TXNDC11: variants seen among roughly 807,000 people sequenced by gnomAD.
TXNDC11 encodes the protein thioredoxin domain containing 11, also known as thioredoxin domain-containing protein 11.
In TXNDC11, 68 loss-of-function variants were observed where a neutral mutation model predicts 78.0. That is an observed-to-expected ratio of 0.87 (90% CI 0.72 to 1.07). The LOEUF is 1.07. Among genes scored for constraint, TXNDC11 ranks in the 50% least tolerant of loss-of-function variants. The pLI, the probability that TXNDC11 is intolerant of heterozygous loss-of-function variation, is 0.00. For missense variants in TXNDC11, 1,389 were observed against 1,221.8 expected (o/e 1.14, Z -2.04); for synonymous variants, 571 against 495.2 (o/e 1.15, Z -2.03).
At chr16:11,742,431 G>A in intron 1 of TXNDC11, 46 bp downstream of exon 1, 1 of 1,347,434 alleles carries the variant, frequency 7.4e-7, no homozygotes, top group East Asian at 3.1e-5. Context: ...AGGCGGCAGA[G>A]CAAGGGGAGC....
At chr16:11,722,306 C>G (rs1025153876) in intron 4 of TXNDC11, among the ~76,000 whole-genome samples, 4 of 152,156 alleles carry the variant, frequency 2.6e-5, no homozygotes, top group African/African-American at 4.8e-5. Flanking sequence ...CCTACACATT[C>G]ATTTCCACCT....
At chr16:11,681,153 C>G (rs915856593) in intron 11 of TXNDC11, among the ~76,000 whole-genome samples, 4 of 152,202 alleles carry the variant, frequency 2.6e-5, no homozygotes, top group Non-Finnish European at 4.4e-5. Flanking sequence ...GCCTGGGCAA[C>G]AGAGTCAGAC....
chr16:11,679,602 C>T lies in TXNDC11; in HGVS notation c.2470G>A (p.Val824Met), dbSNP rs747149831. ...ISSLQRAQVQ[V>M]ESQLSSARRD... Reference sequence around the variant, plus strand: ...CGGGCACTGGAGAGCTGGGACTCCACCTGCACTTGTGCTCGCTGGAGGCTG... The same window carrying T: ...CGGGCACTGGAGAGCTGGGACTCCATCTGCACTTGTGCTCGCTGGAGGCTG... Residue 824 changes from valine to methionine, a missense_variant, in exon 12 of 12, where the codon GTG (valine) becomes ATG (methionine). Coordinates refer to ENST00000283033, the MANE Select transcript of TXNDC11 (RefSeq NM_015914.7). The surrounding 1 kb of genome is among the most constrained non-coding windows in gnomAD (Gnocchi z 4.6). 3 of 1,614,172 alleles carry T rather than the reference C, an allele frequency of 1.9e-6. No homozygotes were observed. Among genetic ancestry groups the T allele is most frequent in the African/African-American group, 1.3e-5 (1 of 75,044 alleles).
intron 7 of TXNDC11, among the ~76,000 whole-genome samples, chr16:11,692,443 T>A (rs2050747018): frequency 6.6e-6 from 1 of 151,876 alleles, no homozygotes; most frequent in African/African-American, 2.4e-5. Context: ...CCCCAAAGTG[T>A]AAGGATAGTG....
intron 8 of TXNDC11, among the ~76,000 whole-genome samples, chr16:11,690,436 A>G (rs1053992868): frequency 3.3e-5 from 5 of 152,228 alleles, no homozygotes; most frequent in Non-Finnish European, 5.9e-5. Flanking sequence ...GGTCCCAGCA[A>G]TATTACTCAG....
intron 5 of TXNDC11, among the ~76,000 whole-genome samples, chr16:11,711,517 G>T (rs2051358971): frequency 6.6e-6 from 1 of 152,118 alleles, no homozygotes; most frequent in Admixed American, 6.5e-5. Flanking sequence ...CTCCTTCAAA[G>T]CCAGTGACAA....
Position 11,688,031 on chromosome 16 carries a change from C to T in TXNDC11, c.2044-65G>A, listed in dbSNP as rs914894806. 6 of 1,280,794 alleles carry T rather than the reference C, an allele frequency of 4.7e-6. No individual in the cohort carries two copies. In the African/African-American group the frequency reaches 8.8e-5, roughly 19 times the overall value. The allele number at this position is 1,280,794 out of a possible 1,614,324, so 79.3% of individuals were successfully genotyped here. The stretch of plus-strand genomic sequence containing the variant: ...ATGGGCTCTTCTTCATTTCTTTCCT[C>T]ATTGCTTAGAATCCAGCAAGCACCC... On this transcript the variant is annotated intron_variant, in intron 9 of 11. Coordinates refer to ENST00000283033, the MANE Select transcript of TXNDC11 (RefSeq NM_015914.7).
rs761287542 is a variant in TXNDC11, at chr16:11,691,534, A to G, written c.1656T>C (p.Ile552=). The part of the protein sequence containing the change: ...EVDAPSSVPH[I]EENRYLFPEV... ...CTGGAAAGAGATACCTGTTCTCCTCAATGTGAGGAACGGAGCTTGGGGCAT... is the reference window on the plus strand; with the variant it reads ...CTGGAAAGAGATACCTGTTCTCCTCGATGTGAGGAACGGAGCTTGGGGCAT... The change falls in exon 8 of 12, where the codon ATT becomes ATC. Residue 552 remains isoleucine (I), a synonymous_variant. Coordinates refer to ENST00000283033, the MANE Select transcript of TXNDC11 (RefSeq NM_015914.7). The G allele has an allele frequency of 4.6e-5, 74 of 1,614,056 alleles. No individual in the cohort carries two copies. The highest frequency in any genetic ancestry group is 6.3e-5 in the Non-Finnish European group (74 of 1,180,034).
intron 4 of TXNDC11, among the ~76,000 whole-genome samples, chr16:11,728,947 G>A (rs1403824470): frequency 6.6e-6 from 1 of 152,122 alleles, no homozygotes; most frequent in Non-Finnish European, 1.5e-5. Flanking sequence ...ATTGCAGCGA[G>A]CCAAGATCAT....
At chr16:11,696,216 T>A (rs556432329) in intron 7 of TXNDC11, among the ~76,000 whole-genome samples, 5 of 152,172 alleles carry the variant, frequency 3.3e-5, no homozygotes, top group Admixed American at 2.6e-4. Context: ...CCCTCATGTC[T>A]CTGCTCAGGG....
At chr16:11,683,718 C>T (rs2050492508) in intron 11 of TXNDC11, among the ~76,000 whole-genome samples, 1 of 151,158 alleles carries the variant, frequency 6.6e-6, no homozygotes, top group Non-Finnish European at 1.5e-5. Flanking sequence ...AACATCCTGA[C>T]ACTACAACCC....
chr16:11,684,143 A>T, intron 11 of TXNDC11, 22 bp downstream of exon 11: 1 of 1,575,202 alleles, frequency 6.3e-7, no homozygotes, highest in South Asian at 1.1e-5. Flanking sequence ...ACTGCCCACC[A>T]GTGACAAAAA....
intron 10 of TXNDC11, among the ~76,000 whole-genome samples, chr16:11,686,408 A>T (rs1224646145): frequency 2.6e-5 from 4 of 152,240 alleles, no homozygotes; most frequent in African/African-American, 9.6e-5. Context: ...GTGGATGTAA[A>T]CAATGCTATA....
chr16:11,721,981 G>A (rs1331061423), intron 4 of TXNDC11, among the ~76,000 whole-genome samples: 4 of 152,118 alleles, frequency 2.6e-5, no homozygotes, highest in Non-Finnish European at 4.4e-5. Context: ...CCTGTTTGTT[G>A]ACAGTACAAT....
At chr16:11,741,216 C>T (rs1449282429) in intron 1 of TXNDC11, among the ~76,000 whole-genome samples, 1 of 152,156 alleles carries the variant, frequency 6.6e-6, no homozygotes, top group Admixed American at 6.6e-5. Context: ...GACAACTGGC[C>T]ACATATCGTG....
rs528695424 is a variant in TXNDC11 at position 11,722,843 on chromosome 16, T to A, written c.700-1173A>T. Among the ~76,000 whole-genome samples the A allele has an allele frequency of 3.8e-4, 58 of 152,320 alleles. No homozygotes were observed. The South Asian group carries it at 4.8e-3, about 13-fold the overall frequency. On this transcript the variant is annotated intron_variant, in intron 4 of 11. Coordinates refer to ENST00000283033, the MANE Select transcript of TXNDC11 (RefSeq NM_015914.7). ...CTGTTGGTAAAGTTTAAAATCAATA[T>A]GTTATAAAAAAGAGGAAACTTTTGA... is the stretch of plus-strand genomic sequence containing the variant.
chr16:11,732,521 C>G (rs1291446982), intron 3 of TXNDC11, among the ~76,000 whole-genome samples: 1 of 152,196 alleles, frequency 6.6e-6, no homozygotes, highest in Non-Finnish European at 1.5e-5. Flanking sequence ...AAAACCTGTA[C>G]TTGAACCTTC....
intron 11 of TXNDC11, among the ~76,000 whole-genome samples, chr16:11,683,875 A>G (rs1033623115): frequency 6.6e-6 from 1 of 150,520 alleles, no homozygotes; most frequent in African/African-American, 2.5e-5. Context: ...CCTCAGCCTC[A>G]GAGTAGCTGG....
chr16:11,731,396 G>C (rs555140412), intron 3 of TXNDC11, among the ~76,000 whole-genome samples: 3 of 152,160 alleles, frequency 2.0e-5, no homozygotes, highest in Non-Finnish European at 4.4e-5. Flanking sequence ...GGGACACATA[G>C]AATTGGATTC....
Sources: gnomAD v4.1 joint callset for allele counts (sites outside exome capture counted in the v4.1 genomes callset) on GRCh38, gnomAD v4.1.1 for gene constraint, Gnocchi (gnomAD v3.1) non-coding constraint, MANE v1.5 for transcripts, NCBI Gene and HGNC (gene_info 2026-07-23, HGNC 2026-07-21) for gene names.